The following NOL4 variants were observed in gnomAD, a reference collection of about 807,000 sequenced individuals.
The protein encoded by NOL4 is nucleolar protein 4, also known as cancer/testis antigen 125.
A neutral mutation model predicts 75.9 loss-of-function variants in NOL4; 17 were observed. The ratio of observed to expected loss-of-function variants is 0.22; its 90% CI spans 0.15 to 0.34. The LOEUF (loss-of-function observed/expected upper bound fraction) is 0.34, where lower values mean the gene tolerates loss of function less well. NOL4 is among the 10% of genes least tolerant of loss of function. The probability of loss-of-function intolerance (pLI) is 1.00; values close to 1 mark genes in which losing one functional copy is unlikely to be tolerated. For synonymous variants in NOL4, 292 were observed against 289.9 expected, an observed-to-expected ratio of 1.01 and a Z score of -0.07; for missense variants, 614 against 793.5, an observed-to-expected ratio of 0.77 and a Z score of 2.72.
intron 9 of NOL4, among the ~76,000 whole-genome samples, chr18:33,933,111 G>C (rs2067812539): frequency 6.6e-6 from 1 of 152,106 alleles, no homozygotes; most frequent in African/African-American, 2.4e-5. Flanking sequence ...TTGCATTTAA[G>C]CAAGTAACAT....
At chr18:33,883,801 C>A (rs2064461343) in intron 9 of NOL4, among the ~76,000 whole-genome samples, 1 of 152,080 alleles carries the variant, frequency 6.6e-6, no homozygotes, top group Non-Finnish European at 1.5e-5. Flanking sequence ...GAAACCCTGT[C>A]ATACTACAGC....
At chr18:34,213,810 G>T (rs1239650220) in intron 1 of NOL4, among the ~76,000 whole-genome samples, 1 of 152,004 alleles carries the variant, frequency 6.6e-6, no homozygotes, top group East Asian at 1.9e-4. Context: ...AACACAAAAT[G>T]GACTAAGACA....
chr18:33,943,090 T>C lies in NOL4; in HGVS notation c.1517A>G (p.Lys506Arg), dbSNP rs2068604351. ...ACESESRNAA[K>R]RMRLERQQDE... is the part of the protein sequence containing the mutation. Reference sequence around the variant, plus strand: ...CTGCTGTCTCTCCAGACGCATCCTCTTGGCGGCATTTCTACTCTCACTCTC... The same window carrying C: ...CTGCTGTCTCTCCAGACGCATCCTCCTGGCGGCATTTCTACTCTCACTCTC... Residue 506 changes from lysine to arginine, a missense_variant, in exon 9 of 11, where the codon AAG (lysine) becomes AGG (arginine). Lys to Arg is a conservative substitution (Grantham distance 26, BLOSUM62 2). Around this residue, in one of 9 missense-constraint regions of NOL4, gnomAD observed 128 missense variants for 159.9 expected, o/e 0.80. Transcript: ENST00000261592. The C allele has an allele frequency of 6.2e-7, 1 of 1,611,522 alleles. No individual in the cohort carries two copies. Among genetic ancestry groups the C allele is most frequent in the Non-Finnish European group, 8.5e-7 (1 of 1,178,590 alleles).
At chr18:34,083,677 C>T (rs139268714) in intron 5 of NOL4, among the ~76,000 whole-genome samples, 9 of 152,198 alleles carry the variant, frequency 5.9e-5, no homozygotes, top group East Asian at 5.8e-4. Context: ...AGTTACTGGC[C>T]GAGCTAGTGT....
intron 1 of NOL4, among the ~76,000 whole-genome samples, chr18:34,174,355 ACT>A (rs970297044): frequency 6.6e-6 from 1 of 152,070 alleles, no homozygotes; most frequent in Non-Finnish European, 1.5e-5. Context: ...CTTTTCAAAA[ACT>A]CTTAATTTAT....
intron 2 of NOL4, among the ~76,000 whole-genome samples, chr18:34,126,771 C>A (rs939052218): frequency 1.3e-5 from 2 of 152,060 alleles, no homozygotes; most frequent in Admixed American, 1.3e-4. Context: ...AATGCCACAT[C>A]ATTAATTTTG....
chr18:33,943,364 G>C (rs2068624722), intron 8 of NOL4, among the ~76,000 whole-genome samples, 186 bp from the exon 9 acceptor site: 1 of 151,814 alleles, frequency 6.6e-6, no homozygotes, highest in Non-Finnish European at 1.5e-5. Context: ...GCTAGTTAGA[G>C]GTTAAAGCTA....
intron 4 of NOL4, among the ~76,000 whole-genome samples, chr18:34,100,555 G>GA (rs1279251263): frequency 6.6e-6 from 1 of 152,088 alleles, no homozygotes; most frequent in African/African-American, 2.4e-5. Flanking sequence ...TAGACATATT[G>GA]AAAAACCTTT....
At chr18:34,014,229 A>C (rs770610161) in intron 6 of NOL4, among the ~76,000 whole-genome samples, 4 of 151,944 alleles carry the variant, frequency 2.6e-5, no homozygotes, top group Non-Finnish European at 5.9e-5. Flanking sequence ...GATTAATTGA[A>C]AAAAGTTACA....
intron 6 of NOL4, among the ~76,000 whole-genome samples, chr18:33,995,108 T>C (rs1209879185): frequency 1.3e-5 from 2 of 151,658 alleles, no homozygotes; most frequent in Admixed American, 6.6e-5. Context: ...GTGTAGGCAC[T>C]GAGTTAGTAG....
chr18:33,871,001 G>A (rs907419977), intron 10 of NOL4, among the ~76,000 whole-genome samples: 1 of 152,028 alleles, frequency 6.6e-6, no homozygotes, highest in South Asian at 2.1e-4. Context: ...CAACTCAGGA[G>A]GCAAAACTTG....
chr18:34,186,957 T>A (rs986527857), intron 1 of NOL4, among the ~76,000 whole-genome samples: 6 of 152,200 alleles, frequency 3.9e-5, no homozygotes, highest in Admixed American at 1.3e-4. Context: ...TCCTATCATA[T>A]ATATAGCCTC....
rs1391044316 is a variant in NOL4, at chr18:34,019,554, T to A, written c.820A>T (p.Ser274Cys). 1.2e-6 allele frequency: 2 copies of A among 1,613,932 alleles called. No homozygotes were observed. Among genetic ancestry groups the A allele is most frequent in the Non-Finnish European group, 1.7e-6 (2 of 1,179,980 alleles). ...TGTGTTCCCCCTGAAGCAATTGAAC[T>A]GTGCCCCAGAGTCTCATTGCCATTA... ...SFNGNETLGH[S>C]SIASGGTHSR... Residue 274 changes from serine (S) to cysteine (C), a missense_variant, in exon 6 of 11, where the codon AGT becomes TGT. Ser to Cys is a moderately radical substitution (Grantham distance 112, BLOSUM62 -1). Coordinates refer to ENST00000261592, the MANE Select transcript of NOL4 (RefSeq NM_003787.5).
At chr18:33,906,571 G>C (rs975956277) in intron 9 of NOL4, among the ~76,000 whole-genome samples, 4 of 152,082 alleles carry the variant, frequency 2.6e-5, no homozygotes, top group Non-Finnish European at 5.9e-5. Flanking sequence ...CCAATATATA[G>C]GAAGTTTCTC....
At chr18:33,989,054 G>A (rs1051766413) in intron 6 of NOL4, among the ~76,000 whole-genome samples, 3 of 151,642 alleles carry the variant, frequency 2.0e-5, no homozygotes, top group African/African-American at 7.3e-5. Flanking sequence ...AGGTATAGTG[G>A]TGCACACCTG....
intron 1 of NOL4, among the ~76,000 whole-genome samples, chr18:34,166,710 G>C (rs2032377698): frequency 6.6e-6 from 1 of 151,806 alleles, no homozygotes; most frequent in South Asian, 2.1e-4. Flanking sequence ...ACCAACCATG[G>C]ATGAATAATA....
intron 1 of NOL4, among the ~76,000 whole-genome samples, chr18:34,168,165 A>T (rs1205987002): frequency 6.6e-6 from 1 of 151,950 alleles, no homozygotes; most frequent in Non-Finnish European, 1.5e-5. Context: ...ATCTACACCT[A>T]GAACATTGCA....
intron 1 of NOL4, among the ~76,000 whole-genome samples, chr18:34,193,455 G>T (rs935116352): frequency 2.6e-5 from 4 of 152,052 alleles, no homozygotes; most frequent in African/African-American, 9.7e-5. Context: ...TCTCAAAGCA[G>T]ACATACAAAC....
intron 1 of NOL4, among the ~76,000 whole-genome samples, chr18:34,187,954 G>A (rs545182232): frequency 3.3e-5 from 5 of 152,224 alleles, no homozygotes; most frequent in African/African-American, 1.2e-4. Flanking sequence ...AATGAGAGTT[G>A]TATTGCTCCA....
Sources: gnomAD v4.1 joint callset for allele counts (sites outside exome capture counted in the v4.1 genomes callset) on GRCh38, gnomAD v4.1.1 for gene constraint, gnomAD v4.1.1 regional missense constraint, MANE v1.5 for transcripts, NCBI Gene and HGNC (gene_info 2026-07-23, HGNC 2026-07-21) for gene names.